MYO18B: variants seen among roughly 807,000 people sequenced by gnomAD.
The protein encoded by MYO18B is unconventional myosin-XVIIIb.
A neutral mutation model predicts 273.0 loss-of-function variants in MYO18B; 204 were observed. That is an observed-to-expected ratio of 0.75 (90% confidence interval 0.67 to 0.84). The LOEUF (loss-of-function observed/expected upper bound fraction) is 0.84. Ranked by LOEUF, MYO18B falls within the 40% of genes least tolerant of loss-of-function variation. The pLI, the probability that MYO18B is intolerant of heterozygous loss-of-function variation, is 0.00. For missense variants in MYO18B, 3,212 were observed against 3,287.6 expected (o/e 0.98, Z 0.56); for synonymous variants, 1,330 against 1,305.7 (o/e 1.02, Z -0.40).
At chr22:26,042,778 G>A in the MYO18B span, among the ~76,000 whole-genome samples, 1 of 152,142 alleles carries the variant, frequency 6.6e-6, no homozygotes, top group Non-Finnish European at 1.5e-5. Context: ...TACCTATTAT[G>A]TGCTAGGCAC....
intron 7 of MYO18B, among the ~76,000 whole-genome samples, chr22:25,776,467 G>T (rs911534380): frequency 6.6e-6 from 1 of 152,190 alleles, no homozygotes; most frequent in African/African-American, 2.4e-5. Flanking sequence ...GCATGGTGGT[G>T]CACGCCTTAA....
intron 34 of MYO18B, among the ~76,000 whole-genome samples, chr22:25,932,510 G>A (rs1302674585): frequency 6.6e-6 from 1 of 151,228 alleles, no homozygotes; most frequent in Non-Finnish European, 1.5e-5. Context: ...CTGGGTTCAA[G>A]CGATTCCGCT....
chr22:25,865,713 T>A (rs1169286386), intron 21 of MYO18B, among the ~76,000 whole-genome samples: 1 of 152,212 alleles, frequency 6.6e-6, no homozygotes. Context: ...TGAACCCAGA[T>A]GGATCTAACT....
At chr22:25,916,050 T>C (rs995985437) in intron 33 of MYO18B, among the ~76,000 whole-genome samples, 3 of 152,222 alleles carry the variant, frequency 2.0e-5, no homozygotes, top group African/African-American at 4.8e-5. Flanking sequence ...GTATTATTCT[T>C]TTCCTTATTG....
chr22:25,770,091 A>G lies in MYO18B; in HGVS notation c.1513-19A>G. 6.2e-7 allele frequency: 1 copy of G among 1,613,564 alleles called. No individual in the cohort carries two copies. Among genetic ancestry groups the G allele is most frequent in the Non-Finnish European group, 8.5e-7 (1 of 1,179,588 alleles). On this transcript the variant is annotated intron_variant, in intron 4 of 43. Transcript: ENST00000335473. ...GCGGTGCCATTTGCTGGTTTAATTT[A>G]CGTGATGTTGGTTCTCAGGCTCCTG...
intron 39 of MYO18B, chr22:25,964,405 G>C (rs1394696002): frequency 6.6e-6 from 1 of 152,184 alleles, no homozygotes; most frequent in African/African-American, 2.4e-5. Flanking sequence ...CAGAATTTGA[G>C]TGCGGGTCTG....
chr22:25,831,500 A>G (rs1353650800), intron 15 of MYO18B, among the ~76,000 whole-genome samples: 1 of 152,182 alleles, frequency 6.6e-6, no homozygotes, highest in Admixed American at 6.5e-5. Context: ...CTCTTGCCTC[A>G]GCCTCCCAAG....
chr22:25,961,973 C>T (rs1337437285), intron 39 of MYO18B, among the ~76,000 whole-genome samples: 1 of 152,192 alleles, frequency 6.6e-6, no homozygotes, highest in Non-Finnish European at 1.5e-5. Context: ...ATATCAGCTC[C>T]CCTTCCCTTT....
chr22:25,992,537 C>T (rs774503891), intron 40 of MYO18B, 44 bp downstream of exon 40: 218 of 1,610,812 alleles, frequency 1.4e-4, no homozygotes, highest in South Asian at 3.6e-4. Context: ...AGCAGGTGGG[C>T]GGCATCCTGG....
Position 26,027,705 on chromosome 22 carries a change from C to G in MYO18B, c.*12+15C>G. 11 of 1,577,196 alleles carry G rather than the reference C, an allele frequency of 7.0e-6. No homozygotes were observed. Among genetic ancestry groups the G allele is most frequent in the Non-Finnish European group, 9.5e-6 (11 of 1,161,212 alleles). The stretch of plus-strand genomic sequence containing the variant: ...AACCAGTTCAGGTAAAAGCAACAGG[C>G]TGGGGCTATTCTTGGGGGAATGAGA... On this transcript the variant is annotated intron_variant, in intron 43 of 43. Coordinates refer to ENST00000335473, the MANE Select transcript of MYO18B (RefSeq NM_032608.7). This position sits in a 1 kb window ranked among gnomAD's most constrained non-coding sequence, Gnocchi z 4.1.
chr22:26,004,817 T>C lies in MYO18B; in HGVS notation c.6432T>C (p.Ser2144=). 2 of 1,613,830 alleles carry C rather than the reference T, an allele frequency of 1.2e-6. No individual in the cohort carries two copies. Among genetic ancestry groups the C allele is most frequent in the Non-Finnish European group, 8.5e-7 (1 of 1,179,778 alleles). ...CCACAGATACTATGAGGACTCCTTC[T>C]CGACAGTCAGCCACCAGCAGCCGCA... ...SLATDTMRTP[S]RQSATSSRIL... The change falls in exon 42 of 44, where the codon TCT becomes TCC. Residue 2144 remains serine (S), a synonymous_variant. Coordinates refer to ENST00000335473, the MANE Select transcript of MYO18B (RefSeq NM_032608.7).
chr22:25,850,827 C>T (rs1419683890), intron 20 of MYO18B, among the ~76,000 whole-genome samples: 1 of 152,178 alleles, frequency 6.6e-6, no homozygotes, highest in African/African-American at 2.4e-5. Flanking sequence ...GCCCCCTCTG[C>T]CTAGACTTCT....
Position 25,832,830 on chromosome 22 carries a change from A to G in MYO18B, c.2980-87A>G, listed in dbSNP as rs3859879. The G allele has an allele frequency of 0.98, 1,167,712 of 1,188,558 alleles. 575,224 individuals carry two copies. The highest frequency in any genetic ancestry group is 1 in the East Asian group (41,962 of 41,980). The allele number at this position is 1,188,558 out of a possible 1,614,324, so 73.6% of individuals were successfully genotyped here. ...TTTAAAGGGCCAAGAGGTGATGGAA[A>G]TCCTCTCCGCTTTTTCCTTCTTCAG... On this transcript the variant is annotated intron_variant, in intron 15 of 43. Coordinates refer to ENST00000335473, the MANE Select transcript of MYO18B (RefSeq NM_032608.7).
intron 21 of MYO18B, among the ~76,000 whole-genome samples, chr22:25,855,943 A>G (rs2090560162): frequency 6.6e-6 from 1 of 152,066 alleles, no homozygotes; most frequent in Admixed American, 6.6e-5. Flanking sequence ...TCACCCAGGT[A>G]ATAAGCATGG....
In MYO18B at chr22:25,749,515, T is replaced by G. The variant is rs76497418; in HGVS notation, c.-110+7222T>G. Among the ~76,000 whole-genome samples the G allele has an allele frequency of 9.2e-3, 1,394 of 152,242 alleles. 21 individuals carry two copies. Among genetic ancestry groups the G allele is most frequent in the African/African-American group, 0.032 (1,332 of 41,548 alleles). Reference sequence around the variant, plus strand: ...GGGAACTAAATACCTTGACCACTAGTTCCTCTCATATGCAGGTCCTCCCAG... The same window carrying G: ...GGGAACTAAATACCTTGACCACTAGGTCCTCTCATATGCAGGTCCTCCCAG... On this transcript the variant is annotated intron_variant, in intron 1 of 43. Coordinates refer to ENST00000335473, the MANE Select transcript of MYO18B (RefSeq NM_032608.7).
intron 11 of MYO18B, among the ~76,000 whole-genome samples, chr22:25,789,031 C>A (rs975830080): frequency 1.3e-5 from 2 of 152,080 alleles, no homozygotes; most frequent in South Asian, 4.2e-4. Flanking sequence ...TCTTCTTCTT[C>A]TTTCTTCCTT....
At chr22:25,872,307 GCAGTTGAACCTCGCA>G (rs2091069963) in intron 22 of MYO18B, among the ~76,000 whole-genome samples, 1 of 152,180 alleles carries the variant, frequency 6.6e-6, no homozygotes. Flanking sequence ...GAATCAAATT[GCAGTTGAACCTCGCA>G]CTTCAAGTGC....
At chr22:25,824,145 C>T (rs1490428200) in intron 13 of MYO18B, among the ~76,000 whole-genome samples, 43 of 152,112 alleles carry the variant, frequency 2.8e-4, no homozygotes, top group East Asian at 3.9e-4. Context: ...TTCTCAGGCC[C>T]TTGGGAAGCC....
chr22:25,753,225 G>T (rs1218665983), intron 1 of MYO18B, among the ~76,000 whole-genome samples: 1 of 124,628 alleles, frequency 8.0e-6, no homozygotes, highest in African/African-American at 3.2e-5. Context: ...CTCCCGGTCG[G>T]CAGGGGCGGG....
Sources: allele counts gnomAD v4.1 joint callset (sites outside exome capture counted in the v4.1 genomes callset), GRCh38; gene constraint gnomAD v4.1.1; non-coding constraint Gnocchi (gnomAD v3.1); transcripts MANE v1.5; gene names NCBI Gene and HGNC (gene_info 2026-07-23, HGNC 2026-07-21).